CYRIA: variants seen among roughly 807,000 people sequenced by gnomAD.
The protein encoded by CYRIA is CYFIP-related Rac1 interactor A.
Under a neutral mutation model 43.9 loss-of-function variants are expected in CYRIA, and 15 were observed. The ratio of observed to expected loss-of-function variants is 0.34; its 90% CI spans 0.23 to 0.53. The LOEUF is 0.53. CYRIA is among the 20% of genes least tolerant of loss of function. CYRIA has a pLI of 0.94. For synonymous variants in CYRIA, 117 were observed against 136.0 expected (o/e 0.86, Z 0.97); for missense variants, 236 against 394.2 (o/e 0.60, Z 3.40).
chr2:16,632,805 G>A (rs954702045), intron 1 of CYRIA, among the ~76,000 whole-genome samples: 1 of 152,104 alleles, frequency 6.6e-6, no homozygotes, highest in African/African-American at 2.4e-5. Flanking sequence ...ACTGGCAATT[G>A]CGCTCCAGAC....
chr2:16,609,033 T>C (rs1235968254), intron 2 of CYRIA, among the ~76,000 whole-genome samples: 1 of 152,142 alleles, frequency 6.6e-6, no homozygotes, highest in East Asian at 1.9e-4. Flanking sequence ...CAGAGCATTG[T>C]GGGCGATGCA....
intron 10 of CYRIA, among the ~76,000 whole-genome samples, chr2:16,558,892 T>C (rs999601134): frequency 2.6e-5 from 4 of 152,012 alleles, no homozygotes; most frequent in Admixed American, 6.6e-5. Context: ...AAATGTGTTC[T>C]TAGATGAGGC....
rs563078046 is a variant in CYRIA at position 16,562,341 on chromosome 2, C to A, written c.299-200G>T. On this transcript the variant is annotated intron_variant, in intron 5 of 11. Coordinates refer to ENST00000381323, the MANE Select transcript of CYRIA (RefSeq NM_030797.4). Reference sequence around the variant, plus strand: ...GGCAGGCAGCCTCCCCTGAGGAAACCCCCCATGGCCACAGTGTTTTGTAAA... The same window carrying A: ...GGCAGGCAGCCTCCCCTGAGGAAACACCCCATGGCCACAGTGTTTTGTAAA... 4.8e-3 allele frequency among the ~76,000 whole-genome samples: 730 copies of A among 152,176 alleles called. 7 individuals carry two copies. Among genetic ancestry groups the A allele is most frequent in the African/African-American group, 0.017 (694 of 41,528 alleles).
At chr2:16,601,330 G>T (rs1668199646) in intron 2 of CYRIA, among the ~76,000 whole-genome samples, 2 of 152,164 alleles carry the variant, frequency 1.3e-5, no homozygotes, top group African/African-American at 2.4e-5. Context: ...GGGATTCTGA[G>T]TGTGAAGGGA....
At chr2:16,663,959 G>A (rs1352998662) in intron 1 of CYRIA, among the ~76,000 whole-genome samples, 1 of 152,124 alleles carries the variant, frequency 6.6e-6, no homozygotes, top group Non-Finnish European at 1.5e-5. Context: ...CAAAACTGAG[G>A]GCTGACTGTG....
intron 11 of CYRIA, among the ~76,000 whole-genome samples, chr2:16,554,304 C>T (rs1255922427): frequency 6.6e-6 from 1 of 152,102 alleles, no homozygotes; most frequent in Admixed American, 6.5e-5. Flanking sequence ...GGACTGCAAT[C>T]TAGTATCAGA....
chr2:16,634,323 C>G (rs1669427568), intron 1 of CYRIA, among the ~76,000 whole-genome samples: 1 of 152,148 alleles, frequency 6.6e-6, no homozygotes, highest in Non-Finnish European at 1.5e-5. Context: ...CTCTTATATT[C>G]CAGAATGGTA....
intron 3 of CYRIA, among the ~76,000 whole-genome samples, chr2:16,568,961 C>A (rs1485569867): frequency 3.3e-5 from 5 of 151,956 alleles, no homozygotes; most frequent in Admixed American, 2.0e-4. Context: ...ATTACTTAAA[C>A]AGAAAAAAAG....
At chr2:16,659,468 A>C (rs1373242644) in intron 1 of CYRIA, among the ~76,000 whole-genome samples, 1 of 152,252 alleles carries the variant, frequency 6.6e-6, no homozygotes, top group Non-Finnish European at 1.5e-5. Context: ...CCTGCTGACA[A>C]TACCCTACAT....
intron 1 of CYRIA, among the ~76,000 whole-genome samples, chr2:16,664,065 A>G (rs1553352258): frequency 6.6e-6 from 1 of 152,104 alleles, no homozygotes; most frequent in Non-Finnish European, 1.5e-5. Flanking sequence ...CCATGGGGCT[A>G]TTGTGAAGAT....
intron 2 of CYRIA, 132 bp downstream of exon 2, chr2:16,623,732 C>A (rs1285162036): frequency 6.6e-6 from 1 of 152,196 alleles, no homozygotes; most frequent in East Asian, 1.9e-4. Context: ...GCTATAGAAC[C>A]CAGAGCCTTG....
intron 1 of CYRIA, among the ~76,000 whole-genome samples, chr2:16,661,876 G>C (rs978676695): frequency 6.6e-6 from 1 of 151,970 alleles, no homozygotes; most frequent in Non-Finnish European, 1.5e-5. Context: ...CTGTAAAATG[G>C]GGACAATAAT....
At chr2:16,576,112 C>T (rs1667337209) in intron 3 of CYRIA, among the ~76,000 whole-genome samples, 1 of 152,044 alleles carries the variant, frequency 6.6e-6, no homozygotes, top group Admixed American at 6.6e-5. Flanking sequence ...CTAATACAGC[C>T]TATTAAGTGC....
chr2:16,633,505 G>A (rs541028290), intron 1 of CYRIA, among the ~76,000 whole-genome samples: 13 of 145,684 alleles, frequency 8.9e-5, no homozygotes, highest in Admixed American at 4.9e-4. Flanking sequence ...TGTCCACCTC[G>A]AATAGTTGGG....
At chr2:16,561,310 A>G in intron 7 of CYRIA, 33 bp from the exon 8 acceptor site, 1 of 1,550,614 alleles carries the variant, frequency 6.4e-7, no homozygotes, top group Non-Finnish European at 8.9e-7. Flanking sequence ...ATGGATTTAT[A>G]AAGAGAAAGT....
intron 1 of CYRIA, among the ~76,000 whole-genome samples, chr2:16,644,460 C>T (rs114142374): frequency 6.6e-6 from 1 of 152,312 alleles, no homozygotes; most frequent in Non-Finnish European, 1.5e-5. Flanking sequence ...ACCATTTCTC[C>T]TCTGGACAGT....
rs532238256 is a variant in CYRIA, at chr2:16,620,995, T to C, written c.-11+2869A>G. 2.0e-5 allele frequency among the ~76,000 whole-genome samples: 3 copies of C among 152,292 alleles called. No homozygotes were observed. The South Asian group carries it at 6.2e-4, about 32-fold the overall frequency. ...CTCAATCTGGGTCAGGGACTCCTCC[T>C]CTGAGCTCCCCAAGCACCCATTCCT... On this transcript the variant is annotated intron_variant, in intron 2 of 11. Transcript: ENST00000381323.
chr2:16,644,298 A>C (rs954424971), intron 1 of CYRIA, among the ~76,000 whole-genome samples: 2 of 152,210 alleles, frequency 1.3e-5, no homozygotes, highest in African/African-American at 4.8e-5. Flanking sequence ...TGAATCACAC[A>C]TCCCAATTAG....
At chr2:16,593,034 A>G (rs1667983023) in intron 2 of CYRIA, among the ~76,000 whole-genome samples, 2 of 152,172 alleles carry the variant, frequency 1.3e-5, no homozygotes, top group African/African-American at 4.8e-5. Flanking sequence ...CAGTACGATA[A>G]TAGTATCTCC....
Sources: allele counts gnomAD v4.1 joint callset (sites outside exome capture counted in the v4.1 genomes callset), GRCh38; gene constraint gnomAD v4.1.1; transcripts MANE v1.5; gene names NCBI Gene and HGNC (gene_info 2026-07-23, HGNC 2026-07-21).